Variants in ABHD12 observed in about 807,000 individuals in gnomAD.
ABHD12 encodes lysophosphatidylserine lipase ABHD12.
Under a neutral mutation model 58.3 loss-of-function variants are expected in ABHD12, and 43 were observed. The observed-to-expected ratio is 0.74, with a 90% CI of 0.58 to 0.95. ABHD12 has a LOEUF of 0.95. Ranked by LOEUF, ABHD12 falls within the 40% of genes least tolerant of loss-of-function variation. The pLI is 0.00. For missense variants in ABHD12, 539 were observed against 537.2 expected, an observed-to-expected ratio of 1.00 and a Z score of -0.03; for synonymous variants, 219 against 211.2, an observed-to-expected ratio of 1.04 and a Z score of -0.32.
intron 1 of ABHD12, among the ~76,000 whole-genome samples, chr20:25,378,697 CTTTT>C (rs10617181): frequency 2.4e-4 from 34 of 139,620 alleles, no homozygotes; most frequent in Admixed American, 2.9e-4. Flanking sequence ...ATAATTTGAA[CTTTT>C]TTTTTTTTTT....
At position 25,331,549 on chromosome 20, in the gene ABHD12, A is replaced by C. The variant is rs1019919464; in HGVS notation, c.316+7678T>G. ...TGAAGGAAAAAATGTTAAGGGCAGCAAGAGAGAAAGGTCAGGTTACCCTCA... is the reference window on the plus strand; with the variant it reads ...TGAAGGAAAAAATGTTAAGGGCAGCCAGAGAGAAAGGTCAGGTTACCCTCA... On this transcript the variant is annotated intron_variant, in intron 2 of 12. Transcript: ENST00000339157. Among the ~76,000 whole-genome samples the C allele has an allele frequency of 7.2e-4, 109 of 152,204 alleles. 1 individual carries two copies. The South Asian group carries it at 0.011, about 16-fold the overall frequency.
chr20:25,385,280 T>C (rs1408658612), intron 1 of ABHD12, among the ~76,000 whole-genome samples: 1 of 121,056 alleles, frequency 8.3e-6, no homozygotes, highest in Non-Finnish European at 1.6e-5. Flanking sequence ...GAGGTTGCAA[T>C]GAGCCAAGAT....
At chr20:25,362,124 G>GA (rs1402050502) in intron 1 of ABHD12, among the ~76,000 whole-genome samples, 1 of 145,346 alleles carries the variant, frequency 6.9e-6, no homozygotes, top group Admixed American at 6.8e-5. Flanking sequence ...AAAATACACA[G>GA]AAAAAATTAG....
chr20:25,390,826 A>G lies in ABHD12; in HGVS notation c.-123T>C. The G allele has an allele frequency of 1.7e-6, 1 of 604,580 alleles. No homozygotes were observed. The highest frequency in any genetic ancestry group is 2.3e-6 in the Non-Finnish European group (1 of 438,822). The allele number at this position is 604,580 out of a possible 1,614,324, so 37.5% of individuals were successfully genotyped here. On this transcript the variant is annotated 5_prime_UTR_variant, in exon 1 of 13. Coordinates refer to ENST00000339157, the MANE Select transcript of ABHD12 (RefSeq NM_001042472.3). Reference sequence around the variant, plus strand: ...CCCGCCGCTCCTCACATCCCAGCCCAGGCCGCTGCGCCGGCTACGAACCAG... The same window carrying G: ...CCCGCCGCTCCTCACATCCCAGCCCGGGCCGCTGCGCCGGCTACGAACCAG...
chr20:25,303,706 C>A lies in ABHD12; in HGVS notation c.951-78G>T, dbSNP rs1351505538. The A allele has an allele frequency of 2.5e-6, 4 of 1,594,056 alleles. No homozygotes were observed. The Admixed American group carries it at 6.8e-5, about 27-fold the overall frequency. On this transcript the variant is annotated intron_variant, in intron 10 of 12. Transcript: ENST00000339157. ...CAGACCCTCTGTCCATGGCAGGGATCTGGGTTCAGGGTGTGTTTTGGGAAA... is the reference window on the plus strand; with the variant it reads ...CAGACCCTCTGTCCATGGCAGGGATATGGGTTCAGGGTGTGTTTTGGGAAA...
rs1362833588 is a variant in ABHD12, at chr20:25,339,289, G to T, written c.254C>A (p.Ala85Asp). The T allele has an allele frequency of 6.2e-7, 1 of 1,614,114 alleles. No individual in the cohort carries two copies. The highest frequency in any genetic ancestry group is 1.7e-5 in the Admixed American group (1 of 60,022). The stretch of plus-strand genomic sequence containing the variant: ...ACATAGTTTGATGAGAAATGGAATG[G>T]CAATGTACAACCCCAAAACACAGAA... ...ILFCVLGLYIAIPFLIKLCPG... is the reference protein window; with the variant it reads ...ILFCVLGLYIDIPFLIKLCPG... Residue 85 changes from alanine (A) to aspartate (D), a missense_variant, in exon 2 of 13, where the codon GCC becomes GAC. Coordinates refer to ENST00000339157, the MANE Select transcript of ABHD12 (RefSeq NM_001042472.3).
At chr20:25,371,368 T>C (rs2089898104) in intron 1 of ABHD12, among the ~76,000 whole-genome samples, 1 of 152,190 alleles carries the variant, frequency 6.6e-6, no homozygotes, top group South Asian at 2.1e-4. Context: ...CAGCAGGCTC[T>C]AATGCACAGA....
chr20:25,308,393 G>C (rs1600770155), intron 8 of ABHD12, 64 bp downstream of exon 8: 1 of 1,579,788 alleles, frequency 6.3e-7, no homozygotes, highest in Non-Finnish European at 8.6e-7. Context: ...ACTTGCAGCA[G>C]GGCCGGGACT....
rs73345021 is a variant in ABHD12 at position 25,310,989 on chromosome 20, G to A, written c.620-1414C>T. Among the ~76,000 whole-genome samples the A allele has an allele frequency of 6.6e-3, 1,000 of 152,314 alleles. 15 individuals are homozygous for A. Among genetic ancestry groups the A allele is most frequent in the African/African-American group, 0.023 (958 of 41,570 alleles). On this transcript the variant is annotated intron_variant, in intron 6 of 12. Transcript: ENST00000339157. ...CTCCTAAGGTCTCTAGCATGCAGCA[G>A]AAGAGAACCAGTGTCAACATGGAGA...
At chr20:25,327,737 G>C (rs551277790) in intron 2 of ABHD12, among the ~76,000 whole-genome samples, 1 of 152,158 alleles carries the variant, frequency 6.6e-6, no homozygotes, top group African/African-American at 2.4e-5. Context: ...ATTGGAAATT[G>C]TTGTGGTTTA....
chr20:25,300,110 T>C, downstream of ABHD12: 1 of 828,874 alleles, frequency 1.2e-6, no homozygotes. Context: ...AGTCTGAGGC[T>C]GAGTCATGGA....
intron 10 of ABHD12, among the ~76,000 whole-genome samples, chr20:25,304,398 C>T (rs982107646): frequency 2.0e-5 from 3 of 152,212 alleles, no homozygotes; most frequent in African/African-American, 7.2e-5. Flanking sequence ...AGACCACGGC[C>T]CACCTGAGCT....
intron 1 of ABHD12, among the ~76,000 whole-genome samples, chr20:25,388,590 C>T (rs542371886): frequency 6.6e-6 from 1 of 152,232 alleles, no homozygotes; most frequent in African/African-American, 2.4e-5. Context: ...CAAATTTGGT[C>T]TTCTTTCCCT....
At chr20:25,373,440 G>C (rs568883811) in intron 1 of ABHD12, among the ~76,000 whole-genome samples, 1 of 152,176 alleles carries the variant, frequency 6.6e-6, no homozygotes, top group East Asian at 1.9e-4. Context: ...CTGGCTACTT[G>C]GGGGGCTGAG....
At chr20:25,338,828 G>C (rs2089414709) in intron 2 of ABHD12, 11 of 1,024,290 alleles carry the variant, frequency 1.1e-5, no homozygotes, top group Non-Finnish European at 1.3e-5. Flanking sequence ...AACTGACAAG[G>C]CATCTCCAAC....
At chr20:25,305,614 A>G (rs552406585) in intron 10 of ABHD12, among the ~76,000 whole-genome samples, 5 of 151,050 alleles carry the variant, frequency 3.3e-5, no homozygotes, top group Admixed American at 2.0e-4. Flanking sequence ...GCCCACCTCA[A>G]CTTCCCAAAG....
At chr20:25,370,011 T>C (rs778392601) in intron 1 of ABHD12, among the ~76,000 whole-genome samples, 8 of 151,884 alleles carry the variant, frequency 5.3e-5, no homozygotes, top group Non-Finnish European at 1.2e-4. Context: ...CCTTGCCCTT[T>C]GTTTTTTCCT....
At chr20:25,363,884 A>G (rs2089785991) in intron 1 of ABHD12, among the ~76,000 whole-genome samples, 1 of 152,240 alleles carries the variant, frequency 6.6e-6, no homozygotes, top group South Asian at 2.1e-4. Flanking sequence ...AACAAAAAAA[A>G]GAAATTAATT....
intron 2 of ABHD12, among the ~76,000 whole-genome samples, chr20:25,336,677 C>G (rs1292513395): frequency 6.6e-6 from 1 of 152,224 alleles, no homozygotes; most frequent in Non-Finnish European, 1.5e-5. Context: ...CACATTACAA[C>G]TGGAAAACCA....
Sources: allele counts gnomAD v4.1 joint callset (sites outside exome capture counted in the v4.1 genomes callset), GRCh38; gene constraint gnomAD v4.1.1; transcripts MANE v1.5; gene names NCBI Gene and HGNC (gene_info 2026-07-23, HGNC 2026-07-21).